SHANK2: variants seen among roughly 807,000 people sequenced by gnomAD.
SHANK2 encodes SH3 and multiple ankyrin repeat domains 2.
SHANK2 carries 43 observed loss-of-function variants against 133.7 expected under a neutral mutation model. That is an observed-to-expected ratio of 0.32 (90% CI 0.25 to 0.41). The LOEUF is 0.41. Ranked by LOEUF, SHANK2 falls within the 10% of genes least tolerant of loss-of-function variation. SHANK2 has a pLI of 1.00. For missense variants in SHANK2, 1,994 were observed against 2,235.8 expected (o/e 0.89, Z 2.18); for synonymous variants, 1,017 against 952.8 (o/e 1.07, Z -1.24).
At chr11:70,769,712 T>C (rs1323492208) in intron 14 of SHANK2, among the ~76,000 whole-genome samples, 3 of 150,862 alleles carry the variant, frequency 2.0e-5, no homozygotes, top group Admixed American at 6.6e-5. Flanking sequence ...TAAGCACACA[T>C]GTGCGTGTGT....
intron 11 of SHANK2, among the ~76,000 whole-genome samples, chr11:70,862,148 C>T (rs1308326750): frequency 6.6e-6 from 1 of 152,218 alleles, no homozygotes; most frequent in Admixed American, 6.5e-5. Flanking sequence ...GCACCAGACA[C>T]TGAACTGATG....
intron 3 of SHANK2, among the ~76,000 whole-genome samples, chr11:71,125,935 A>G (rs1484357814): frequency 6.6e-6 from 1 of 152,136 alleles, no homozygotes; most frequent in East Asian, 1.9e-4. Flanking sequence ...TGCTAAATCA[A>G]TCGGCCAGGC....
In SHANK2 at chr11:70,486,191, T is replaced by C. The variant is rs2058801883; in HGVS notation, c.4102A>G (p.Thr1368Ala). Reference sequence around the variant, plus strand: ...ACGATGGTTCTGCCGGGCACGGTGGTGGGCTCGGGGGCAGCGGAGATCTGT... The same window carrying C: ...ACGATGGTTCTGCCGGGCACGGTGGCGGGCTCGGGGGCAGCGGAGATCTGT... ...ALQISAAPEP[T>A]TVPGRTIVAV... The change falls in exon 25 of 26, where the codon ACC (threonine) becomes GCC (alanine). Residue 1368 changes from threonine to alanine, a missense_variant. Thr to Ala is a moderately conservative substitution (Grantham distance 58, BLOSUM62 0). Around this residue, in one of 5 missense-constraint regions of SHANK2, gnomAD observed 797 missense variants for 907.4 expected, o/e 0.88. Transcript: ENST00000601538. The surrounding 1 kb of genome is among the most constrained non-coding windows in gnomAD (Gnocchi z 8.0). 1.2e-6 allele frequency: 2 copies of C among 1,613,178 alleles called. No individual in the cohort carries two copies. The highest frequency in any genetic ancestry group is 3.3e-5 in the Admixed American group (2 of 60,008).
At chr11:70,774,264 T>A (rs1163038384) in intron 14 of SHANK2, among the ~76,000 whole-genome samples, 3 of 151,868 alleles carry the variant, frequency 2.0e-5, no homozygotes, top group Admixed American at 6.6e-5. Context: ...CAAATCTAGA[T>A]TGAGAAAGTG....
intron 6 of SHANK2, among the ~76,000 whole-genome samples, chr11:71,100,242 A>C (rs1951696466): frequency 6.6e-6 from 1 of 152,166 alleles, no homozygotes; most frequent in African/African-American, 2.4e-5. Flanking sequence ...CTTACTCCAC[A>C]ATCCAGCAAC....
chr11:71,073,562 G>T (rs1366547676), intron 9 of SHANK2, among the ~76,000 whole-genome samples: 2 of 151,732 alleles, frequency 1.3e-5, no homozygotes, highest in African/African-American at 2.4e-5. Flanking sequence ...AAACCCCCAG[G>T]GCTCAAGTGA....
At chr11:70,690,426 T>C (rs2134437741) in intron 15 of SHANK2, among the ~76,000 whole-genome samples, 1 of 150,468 alleles carries the variant, frequency 6.6e-6, no homozygotes, top group South Asian at 2.1e-4. Flanking sequence ...CTCATAGGTC[T>C]GTAAAGAGGA....
At chr11:70,754,799 T>G (rs12287249) in intron 14 of SHANK2, among the ~76,000 whole-genome samples, 14,772 of 152,042 alleles carry the variant, frequency 0.097, 917 homozygotes, top group South Asian at 0.29. Context: ...GTCTGGGCAA[T>G]GCTGAACACC....
intron 12 of SHANK2, among the ~76,000 whole-genome samples, chr11:70,814,354 C>T (rs890782576): frequency 2.0e-5 from 3 of 151,886 alleles, no homozygotes; most frequent in East Asian, 3.9e-4. Flanking sequence ...TCAGGGCCAC[C>T]GGGAGAGCTC....
At position 70,847,059 on chromosome 11, in the gene SHANK2, A is replaced by G. The variant is rs1949007660; in HGVS notation, c.1175-26377T>C. Among the ~76,000 whole-genome samples the G allele has an allele frequency of 4.6e-5, 7 of 152,190 alleles. No homozygotes were observed. In the South Asian group the frequency reaches 1.4e-3, roughly 32 times the overall value. ...CCTGAGCAAGATGGCATCACTTTAC[A>G]GAGGAGAGGTGGAGGCCCCCATCAA... On this transcript the variant is annotated intron_variant, in intron 11 of 25. Transcript: ENST00000601538.
chr11:70,678,990 G>A (rs1433536472), intron 15 of SHANK2, among the ~76,000 whole-genome samples: 1 of 152,160 alleles, frequency 6.6e-6, no homozygotes, highest in East Asian at 1.9e-4. Context: ...TCCTTAGCCA[G>A]GGGATCTCAG....
chr11:71,177,450 C>A (rs901377721), intron 2 of SHANK2, among the ~76,000 whole-genome samples: 7 of 152,218 alleles, frequency 4.6e-5, no homozygotes, highest in Middle Eastern at 3.4e-3. Context: ...TGGTATAATA[C>A]TACTTGATGA....
intron 9 of SHANK2, among the ~76,000 whole-genome samples, chr11:71,066,150 G>T (rs1951057887): frequency 7.8e-6 from 1 of 128,902 alleles, no homozygotes; most frequent in Non-Finnish European, 1.7e-5. Context: ...AAGTTGGGTG[G>T]GGGGGGTGCA....
At chr11:70,800,837 G>C (rs782519810) in intron 13 of SHANK2, among the ~76,000 whole-genome samples, 1 of 152,210 alleles carries the variant, frequency 6.6e-6, no homozygotes, top group African/African-American at 2.4e-5. Context: ...AGGACTTGCT[G>C]CTGCGCCACC....
Position 71,196,493 on chromosome 11 carries a change from C to T in SHANK2, c.-13+28204G>A, listed in dbSNP as rs115616859. Among the ~76,000 whole-genome samples, 908 of 150,806 alleles carry T rather than the reference C, an allele frequency of 6.0e-3. 9 individuals are homozygous for T. Among genetic ancestry groups the T allele is most frequent in the African/African-American group, 0.021 (869 of 41,244 alleles). ...TAGAGATGGGGTTTCATCAGGTTGGCCAGTCTGGTCTCAAATTCTGGGCCT... is the reference window on the plus strand; with the variant it reads ...TAGAGATGGGGTTTCATCAGGTTGGTCAGTCTGGTCTCAAATTCTGGGCCT... On this transcript the variant is annotated intron_variant, in intron 2 of 25. Coordinates refer to ENST00000601538, the MANE Select transcript of SHANK2 (RefSeq NM_012309.5).
chr11:71,193,655 G>A (rs1953839060), intron 2 of SHANK2, among the ~76,000 whole-genome samples: 1 of 152,156 alleles, frequency 6.6e-6, no homozygotes, highest in East Asian at 1.9e-4. Flanking sequence ...CTCCGGCCCT[G>A]GGCACCTGCA....
At chr11:70,950,785 G>A (rs1485614431) in intron 10 of SHANK2, among the ~76,000 whole-genome samples, 5 of 152,080 alleles carry the variant, frequency 3.3e-5, no homozygotes, top group African/African-American at 1.2e-4. Flanking sequence ...TTTTGTGTGT[G>A]TGTGTGTATG....
intron 17 of SHANK2, among the ~76,000 whole-genome samples, chr11:70,570,894 G>T (rs2060037390): frequency 6.6e-6 from 1 of 152,228 alleles, no homozygotes; most frequent in African/African-American, 2.4e-5. Context: ...TATGGGTGGG[G>T]CTCTGAGAGT....
chr11:70,702,899 T>C (rs553376398), intron 14 of SHANK2, among the ~76,000 whole-genome samples: 2 of 152,204 alleles, frequency 1.3e-5, no homozygotes, highest in African/African-American at 2.4e-5. Context: ...AGGATGATGA[T>C]AGTAACAGTC....
Sources: allele counts gnomAD v4.1 joint callset (sites outside exome capture counted in the v4.1 genomes callset), GRCh38; gene constraint gnomAD v4.1.1; regional missense constraint gnomAD v4.1.1; non-coding constraint Gnocchi (gnomAD v3.1); transcripts MANE v1.5; gene names NCBI Gene and HGNC (gene_info 2026-07-23, HGNC 2026-07-21).